Variants in CSMD1 observed in about 807,000 individuals in gnomAD.
CSMD1 encodes the protein CUB and sushi domain-containing protein 1.
In CSMD1, 213 loss-of-function variants were observed where a neutral mutation model predicts 417.5. That is an observed-to-expected ratio of 0.51 (90% confidence interval 0.46 to 0.57). The LOEUF (loss-of-function observed/expected upper bound fraction) is 0.57, where lower values mean the gene tolerates loss of function less well. CSMD1 is among the 20% of genes least tolerant of loss of function. The probability of loss-of-function intolerance (pLI) is 0.00; values close to 1 mark genes in which losing one functional copy is unlikely to be tolerated. For missense variants in CSMD1, 6,923 were observed against 4,529.7 expected, an observed-to-expected ratio of 1.53 and a Z score of -15.17; for synonymous variants, 2,862 against 1,736.8, an observed-to-expected ratio of 1.65 and a Z score of -16.11.
intron 4 of CSMD1, among the ~76,000 whole-genome samples, chr8:4,008,413 A>C (rs1342876581): frequency 6.6e-6 from 1 of 151,576 alleles, no homozygotes; most frequent in Non-Finnish European, 1.5e-5. Context: ...TGTATTATAT[A>C]ATTTTTTTTT....
chr8:4,091,060 A>C (rs1800693955), intron 3 of CSMD1, among the ~76,000 whole-genome samples: 1 of 151,904 alleles, frequency 6.6e-6, no homozygotes, highest in African/African-American at 2.4e-5. Context: ...CTGGGTCTAC[A>C]GGCACCCACC....
intron 5 of CSMD1, among the ~76,000 whole-genome samples, chr8:3,887,330 G>T (rs116538068): frequency 0.011 from 1,697 of 152,230 alleles, 33 homozygotes; most frequent in African/African-American, 0.038. Flanking sequence ...TTTCTGAGAC[G>T]TTTTCAGGAT....
At chr8:4,217,650 C>A (rs1157741625) in intron 3 of CSMD1, among the ~76,000 whole-genome samples, 1 of 118,588 alleles carries the variant, frequency 8.4e-6, no homozygotes, top group East Asian at 3.0e-4. Context: ...ACTCAGTTGA[C>A]CTCATCAGAA....
At chr8:4,432,364 A>G (rs921497742) in intron 2 of CSMD1, among the ~76,000 whole-genome samples, 3 of 152,162 alleles carry the variant, frequency 2.0e-5, no homozygotes, top group African/African-American at 7.2e-5. Context: ...TTCCCTGGCT[A>G]TGAACTTAGT....
chr8:3,402,722 T>C (rs1812111934), intron 15 of CSMD1, among the ~76,000 whole-genome samples: 1 of 152,216 alleles, frequency 6.6e-6, no homozygotes. Context: ...CTAGTTCTTT[T>C]TATCAGAATC....
chr8:4,037,434 G>A (rs1024402705), intron 3 of CSMD1, among the ~76,000 whole-genome samples: 8 of 152,112 alleles, frequency 5.3e-5, no homozygotes, highest in African/African-American at 1.7e-4. Context: ...GTCTATTTCT[G>A]GGGCATCTTA....
chr8:3,196,813 C>A (rs1796729893), intron 33 of CSMD1, among the ~76,000 whole-genome samples: 1 of 152,138 alleles, frequency 6.6e-6, no homozygotes, highest in African/African-American at 2.4e-5. Context: ...GTGAGAGTTT[C>A]ATTCCTGGGA....
At chr8:4,493,315 C>A (rs78782934) in intron 2 of CSMD1, among the ~76,000 whole-genome samples, 3 of 151,932 alleles carry the variant, frequency 2.0e-5, no homozygotes, top group Admixed American at 1.3e-4. Flanking sequence ...AGAGTTTGTG[C>A]GTGTGTGTGT....
chr8:3,588,552 C>G (rs1438329876), intron 8 of CSMD1, among the ~76,000 whole-genome samples: 3 of 152,120 alleles, frequency 2.0e-5, no homozygotes, highest in Admixed American at 2.0e-4. Flanking sequence ...CACACCAATC[C>G]TTAGTCATGG....
intron 3 of CSMD1, among the ~76,000 whole-genome samples, chr8:4,316,490 G>A (rs1018234023): frequency 6.6e-6 from 1 of 151,980 alleles, no homozygotes; most frequent in Non-Finnish European, 1.5e-5. Context: ...AACGATTTTT[G>A]CACCAACCTA....
At chr8:3,461,615 T>G (rs1360254365) in intron 12 of CSMD1, among the ~76,000 whole-genome samples, 1 of 152,200 alleles carries the variant, frequency 6.6e-6, no homozygotes, top group Non-Finnish European at 1.5e-5. Context: ...CCCATGAAAC[T>G]GTAAGCTATC....
intron 3 of CSMD1, among the ~76,000 whole-genome samples, chr8:4,254,519 G>A (rs879383778): frequency 6.6e-6 from 1 of 152,108 alleles, no homozygotes; most frequent in Non-Finnish European, 1.5e-5. Flanking sequence ...ATTTCACGTA[G>A]CCTAAACGTA....
intron 3 of CSMD1, among the ~76,000 whole-genome samples, chr8:4,202,984 A>G (rs752504165): frequency 3.0e-4 from 45 of 152,272 alleles, no homozygotes; most frequent in Middle Eastern, 6.8e-3. Flanking sequence ...TCCACCAAAG[A>G]TGTCTGCATC....
intron 12 of CSMD1, among the ~76,000 whole-genome samples, chr8:3,462,880 T>C (rs760758453): frequency 2.6e-5 from 4 of 152,154 alleles, no homozygotes; most frequent in Non-Finnish European, 5.9e-5. Flanking sequence ...TTGATGGTTT[T>C]CAGAGATGGG....
At chr8:3,871,853 A>G (rs1247675225) in intron 5 of CSMD1, among the ~76,000 whole-genome samples, 3 of 152,210 alleles carry the variant, frequency 2.0e-5, no homozygotes, top group Non-Finnish European at 4.4e-5. Context: ...TTGTGAGCCA[A>G]GAACTCCCTT....
At chr8:4,462,716 A>C (rs552086391) in intron 2 of CSMD1, among the ~76,000 whole-genome samples, 1 of 152,288 alleles carries the variant, frequency 6.6e-6, no homozygotes, top group East Asian at 1.9e-4. Flanking sequence ...TTTTGACAAG[A>C]TGCCAAAACA....
chr8:4,057,477 G>A (rs1376131262), intron 3 of CSMD1, among the ~76,000 whole-genome samples: 5 of 152,116 alleles, frequency 3.3e-5, no homozygotes, highest in Admixed American at 6.6e-5. Flanking sequence ...CACCCATTTT[G>A]TAGGTTGCCT....
chr8:3,783,263 C>T (rs1002776779), intron 5 of CSMD1, among the ~76,000 whole-genome samples: 5 of 152,226 alleles, frequency 3.3e-5, no homozygotes, highest in African/African-American at 1.2e-4. Flanking sequence ...CCCGGAAAAA[C>T]TGGTTTTTTG....
intron 1 of CSMD1, among the ~76,000 whole-genome samples, chr8:4,853,129 A>C (rs1301097511): frequency 3.3e-5 from 5 of 152,242 alleles, no homozygotes; most frequent in African/African-American, 1.2e-4. Flanking sequence ...GGAAGAATCC[A>C]AGTGGGCTAT....
Sources: gnomAD v4.1 joint callset for allele counts (sites outside exome capture counted in the v4.1 genomes callset) on GRCh38, gnomAD v4.1.1 for gene constraint, MANE v1.5 for transcripts, NCBI Gene and HGNC (gene_info 2026-07-23, HGNC 2026-07-21) for gene names.